The following SLC24A2 variants were observed in gnomAD, a reference collection of about 807,000 sequenced individuals.
SLC24A2 encodes the protein solute carrier family 24 member 2.
A neutral mutation model predicts 62.0 loss-of-function variants in SLC24A2; 36 were observed. That is an observed-to-expected ratio of 0.58 (90% CI 0.44 to 0.77). SLC24A2 has a LOEUF of 0.77. Among genes scored for constraint, SLC24A2 ranks in the 30% least tolerant of loss-of-function variants. The probability of loss-of-function intolerance (pLI) is 0.00; values close to 1 mark genes in which losing one functional copy is unlikely to be tolerated. For synonymous variants in SLC24A2, 358 were observed against 294.0 expected (o/e 1.22, Z -2.23); for missense variants, 846 against 817.9 (o/e 1.03, Z -0.42).
intron 4 of SLC24A2, among the ~76,000 whole-genome samples, chr9:19,600,697 A>C (rs1836818244): frequency 6.6e-6 from 1 of 152,150 alleles, no homozygotes; most frequent in Non-Finnish European, 1.5e-5. Flanking sequence ...GTTGCTTAGC[A>C]ATATCAGTGG....
intron 2 of SLC24A2, among the ~76,000 whole-genome samples, chr9:19,759,311 G>T (rs552723614): frequency 6.6e-6 from 1 of 152,062 alleles, no homozygotes; most frequent in African/African-American, 2.4e-5. Flanking sequence ...AACAGATGGT[G>T]CCCAGCATTT....
the SLC24A2 span, among the ~76,000 whole-genome samples, chr9:19,954,778 T>G: frequency 6.6e-6 from 1 of 152,064 alleles, no homozygotes; most frequent in Admixed American, 6.5e-5. Flanking sequence ...TTCTGAGAGG[T>G]GCAGTGTTGT....
intron 2 of SLC24A2, among the ~76,000 whole-genome samples, chr9:19,628,205 G>A (rs565183059): frequency 6.6e-6 from 1 of 152,214 alleles, no homozygotes; most frequent in African/African-American, 2.4e-5. Flanking sequence ...CACCCTGGCA[G>A]AACAGAACTG....
chr9:19,898,634 C>T, the SLC24A2 span, among the ~76,000 whole-genome samples: 9 of 150,166 alleles, frequency 6.0e-5, no homozygotes, highest in South Asian at 2.1e-4. Context: ...CCCAGCTACT[C>T]GGGAGGCTAA....
the SLC24A2 span, among the ~76,000 whole-genome samples, chr9:19,996,122 T>A: frequency 9.2e-5 from 14 of 152,134 alleles, no homozygotes; most frequent in African/African-American, 3.4e-4. Flanking sequence ...GAGCATGGGG[T>A]GTCAGATAGG....
intron 2 of SLC24A2, among the ~76,000 whole-genome samples, chr9:19,667,401 C>G (rs1349491733): frequency 6.6e-6 from 1 of 152,138 alleles, no homozygotes; most frequent in African/African-American, 2.4e-5. Flanking sequence ...GATATTGTCC[C>G]GAACACTTTC....
At chr9:20,130,888 C>T in the SLC24A2 span, among the ~76,000 whole-genome samples, 2 of 152,062 alleles carry the variant, frequency 1.3e-5, no homozygotes, top group Non-Finnish European at 2.9e-5. Context: ...CCCACTCCTG[C>T]TTTTTGGACA....
At chr9:20,103,615 C>G in the SLC24A2 span, among the ~76,000 whole-genome samples, 4 of 152,188 alleles carry the variant, frequency 2.6e-5, no homozygotes, top group Non-Finnish European at 4.4e-5. Flanking sequence ...CCAGCAAACT[C>G]CAAGAGACCT....
intron 7 of SLC24A2, among the ~76,000 whole-genome samples, chr9:19,573,015 C>T (rs10964219): frequency 0.034 from 5,222 of 152,274 alleles, 346 homozygotes; most frequent in East Asian, 0.31. Context: ...CTAATTCCGA[C>T]GTGCTGCTTC....
the SLC24A2 span, among the ~76,000 whole-genome samples, chr9:19,879,406 A>C: frequency 6.6e-6 from 1 of 152,206 alleles, no homozygotes; most frequent in East Asian, 1.9e-4. Flanking sequence ...CTTTGAATTT[A>C]GGAAAACCTA....
At chr9:20,088,848 A>G in the SLC24A2 span, among the ~76,000 whole-genome samples, 1 of 152,138 alleles carries the variant, frequency 6.6e-6, no homozygotes, top group African/African-American at 2.4e-5. Flanking sequence ...GAGCTCCCAG[A>G]GGGAGAGGCA....
At chr9:20,078,725 C>T in the SLC24A2 span, among the ~76,000 whole-genome samples, 6 of 152,090 alleles carry the variant, frequency 3.9e-5, no homozygotes, top group Non-Finnish European at 7.4e-5. Context: ...TTTCAGAGCC[C>T]CCTCTCCAGG....
the SLC24A2 span, among the ~76,000 whole-genome samples, chr9:19,823,898 T>C: frequency 6.6e-6 from 1 of 151,926 alleles, no homozygotes; most frequent in African/African-American, 2.4e-5. Context: ...CTTTGACAAA[T>C]GTGACAAAAA....
At chr9:19,955,007 A>G in the SLC24A2 span, among the ~76,000 whole-genome samples, 2 of 152,014 alleles carry the variant, frequency 1.3e-5, no homozygotes. Context: ...TTAACTATAT[A>G]CTCAATTCTA....
At chr9:19,875,940 C>T in the SLC24A2 span, among the ~76,000 whole-genome samples, 58,167 of 151,974 alleles carry the variant, frequency 0.38, 12,773 homozygotes, top group Middle Eastern at 0.53. Context: ...ATGTGATAAG[C>T]AACCTTATCC....
the SLC24A2 span, among the ~76,000 whole-genome samples, chr9:20,176,542 C>T: frequency 3.9e-5 from 6 of 152,080 alleles, no homozygotes; most frequent in Non-Finnish European, 7.4e-5. Context: ...GAAATAAACT[C>T]GGAAAGGGAC....
At chr9:20,043,880 A>G in the SLC24A2 span, among the ~76,000 whole-genome samples, 2 of 152,348 alleles carry the variant, frequency 1.3e-5, no homozygotes, top group East Asian at 3.9e-4. Flanking sequence ...TTTTGAAAGA[A>G]TTTCTACTGT....
the SLC24A2 span, among the ~76,000 whole-genome samples, chr9:19,984,314 GACTC>G: frequency 6.6e-6 from 1 of 151,978 alleles, no homozygotes. Context: ...AATATTGGAG[GACTC>G]ACACTTCCTG....
intron 8 of SLC24A2, among the ~76,000 whole-genome samples, chr9:19,541,886 A>C (rs985621399): frequency 2.6e-5 from 4 of 152,208 alleles, no homozygotes; most frequent in East Asian, 1.9e-4. Flanking sequence ...CCTCTGAGCC[A>C]GGTGTGGGAT....
Sources: gnomAD v4.1 joint callset for allele counts (sites outside exome capture counted in the v4.1 genomes callset) on GRCh38, gnomAD v4.1.1 for gene constraint, MANE v1.5 for transcripts, NCBI Gene and HGNC (gene_info 2026-07-23, HGNC 2026-07-21) for gene names.